The following ZFAND6 variants were observed in gnomAD, a reference collection of about 807,000 sequenced individuals.
ZFAND6 encodes the protein AN1-type zinc finger protein 6.
A neutral mutation model predicts 24.5 loss-of-function variants in ZFAND6; 12 were observed. The observed-to-expected ratio is 0.49, with a 90% CI of 0.31 to 0.79. ZFAND6 has a LOEUF of 0.79. Ranked by LOEUF, ZFAND6 falls within the 30% of genes least tolerant of loss-of-function variation. ZFAND6 has a pLI of 0.04. For missense variants in ZFAND6, 207 were observed against 245.9 expected, an observed-to-expected ratio of 0.84 and a Z score of 1.06; for synonymous variants, 92 against 81.5, an observed-to-expected ratio of 1.13 and a Z score of -0.69.
rs760140553 is a variant in ZFAND6 at position 80,126,404 on chromosome 15, A to C, written c.364+3604A>C. Among the ~76,000 whole-genome samples, 3 of 152,350 alleles carry C rather than the reference A, an allele frequency of 2.0e-5. No individual in the cohort carries two copies. The South Asian group carries it at 6.2e-4, about 32-fold the overall frequency. ...TTCAAAATTGAGTACAAGCTACAGT[A>C]ATCAAGACTGTGTTGTACCGGCATG... On this transcript the variant is annotated intron_variant, in intron 5 of 6. Transcript: ENST00000261749.
chr15:80,084,232 G>C (rs1013212927), intron 1 of ZFAND6, among the ~76,000 whole-genome samples: 46 of 152,172 alleles, frequency 3.0e-4, no homozygotes, highest in African/African-American at 1.1e-3. Flanking sequence ...TTTACGAAGT[G>C]TAGGTCGATC....
At chr15:80,124,979 C>T (rs772038591) in intron 5 of ZFAND6, among the ~76,000 whole-genome samples, 8 of 152,044 alleles carry the variant, frequency 5.3e-5, no homozygotes, top group African/African-American at 7.2e-5. Context: ...TATATATGTA[C>T]GTGTATATTC....
At chr15:80,119,541 T>G (rs1338207890) in intron 2 of ZFAND6, among the ~76,000 whole-genome samples, 1 of 152,036 alleles carries the variant, frequency 6.6e-6, no homozygotes, top group Non-Finnish European at 1.5e-5. Context: ...CTAAAATATT[T>G]TTAATGACTG....
At chr15:80,065,262 TAA>T (rs929575090) in intron 1 of ZFAND6, among the ~76,000 whole-genome samples, 1 of 142,304 alleles carries the variant, frequency 7.0e-6, no homozygotes, top group Non-Finnish European at 1.5e-5. Context: ...TTGGCCCCAC[TAA>T]AAAAAAAAAC....
In ZFAND6 at chr15:80,121,793, A is replaced by G; in HGVS notation, c.236A>G (p.Asp79Gly). The G allele has an allele frequency of 3.7e-6, 6 of 1,613,738 alleles. No individual in the cohort carries two copies. Among genetic ancestry groups the G allele is most frequent in the Non-Finnish European group, 5.1e-6 (6 of 1,179,788 alleles). ...GTGCCAGAAGCCCAGTCAGCATTAG[A>G]CTCTACATCTTCATCTATGCAGCCC... ...GSVPEAQSAL[D>G]STSSSMQPSP... is the part of the protein sequence containing the mutation. Residue 79 changes from aspartate (D) to glycine (G), a missense_variant, in exon 4 of 7, where the codon GAC becomes GGC. Around this residue, in one of 3 missense-constraint regions of ZFAND6, gnomAD observed 133 missense variants for 122.8 expected, o/e 1.08. Coordinates refer to ENST00000261749, the MANE Select transcript of ZFAND6 (RefSeq NM_019006.4).
At position 80,102,393 on chromosome 15, in the gene ZFAND6, G is replaced by C. The variant is rs531342695; in HGVS notation, c.-18+3815G>C. Among the ~76,000 whole-genome samples the C allele has an allele frequency of 5.3e-5, 8 of 152,284 alleles. No individual in the cohort carries two copies. The East Asian group carries it at 1.5e-3, about 29-fold the overall frequency. On this transcript the variant is annotated intron_variant, in intron 2 of 6. Transcript: ENST00000261749. ...GCCTCCCAAAGTGCTAGGATTACAG[G>C]TGTGAGCCCCCGCGCCCAGCCTTGC...
intron 1 of ZFAND6, among the ~76,000 whole-genome samples, chr15:80,076,263 A>G (rs1364272248): frequency 6.6e-6 from 1 of 152,152 alleles, no homozygotes; most frequent in Non-Finnish European, 1.5e-5. Flanking sequence ...CAAAAGTCAC[A>G]GCAAATGGGT....
intron 4 of ZFAND6, 52 bp from the exon 5 acceptor site, chr15:80,122,648 A>C: frequency 8.8e-7 from 1 of 1,139,320 alleles, no homozygotes; most frequent in Non-Finnish European, 1.3e-6. Flanking sequence ...CACATTAGTT[A>C]ATATTCATGT....
chr15:80,128,950 T>G (rs1371545767), intron 5 of ZFAND6, among the ~76,000 whole-genome samples: 1 of 152,244 alleles, frequency 6.6e-6, no homozygotes, highest in Non-Finnish European at 1.5e-5. Flanking sequence ...CCAGTTTTGT[T>G]AAAAACTATA....
At position 80,119,427 on chromosome 15, in the gene ZFAND6, G is replaced by T. The variant is rs1479642365; in HGVS notation, c.-17-901G>T. ...TATGCTCATTACTGTCCTTTTTGAT[G>T]ATTAATGGGTGCTCCTTTTTTCCTA... On this transcript the variant is annotated intron_variant, in intron 2 of 6. Transcript: ENST00000261749. 2.0e-5 allele frequency among the ~76,000 whole-genome samples: 3 copies of T among 152,130 alleles called. No individual in the cohort carries two copies. In the East Asian group the frequency reaches 5.8e-4, roughly 29 times the overall value.
At chr15:80,117,436 A>G (rs1244131599) in intron 2 of ZFAND6, among the ~76,000 whole-genome samples, 1 of 152,100 alleles carries the variant, frequency 6.6e-6, no homozygotes, top group Admixed American at 6.5e-5. Flanking sequence ...CTTAGCCAGG[A>G]TGGCCTCTAT....
At chr15:80,128,144 A>G (rs2040449926) in intron 5 of ZFAND6, among the ~76,000 whole-genome samples, 1 of 152,210 alleles carries the variant, frequency 6.6e-6, no homozygotes, top group Non-Finnish European at 1.5e-5. Context: ...AGTCATACAG[A>G]AAGATTAGTG....
intron 2 of ZFAND6, among the ~76,000 whole-genome samples, chr15:80,098,915 A>G (rs870185): frequency 0.58 from 87,491 of 151,818 alleles, 26,678 homozygotes; most frequent in Non-Finnish European, 0.68. Context: ...GATTTCAGCC[A>G]TTTAAAGTTA....
intron 1 of ZFAND6, among the ~76,000 whole-genome samples, chr15:80,091,160 G>GTGT (rs1555430411): frequency 1.2e-4 from 18 of 150,166 alleles, no homozygotes; most frequent in African/African-American, 4.4e-4. Flanking sequence ...GTTGTTAAGG[G>GTGT]GTGTGTGTGT....
chr15:80,106,455 ACT>A (rs2039330562), intron 2 of ZFAND6, among the ~76,000 whole-genome samples: 1 of 151,990 alleles, frequency 6.6e-6, no homozygotes, highest in Non-Finnish European at 1.5e-5. Flanking sequence ...GTTATGACAG[ACT>A]CTATGGCCCA....
intron 1 of ZFAND6, among the ~76,000 whole-genome samples, chr15:80,094,739 T>C (rs1329235253): frequency 6.6e-6 from 1 of 152,208 alleles, no homozygotes; most frequent in Non-Finnish European, 1.5e-5. Flanking sequence ...TGCAGTTATC[T>C]AATACACAGT....
rs2039965548 is a variant in ZFAND6, at chr15:80,118,032, G to GTGTATA, written c.-17-2290_-17-2285dup. Reference sequence around the variant, plus strand: ...GGTATTGAATTGTGTGTGTGTGTGTGTGTATATGTATGTATATACATATAT... The same window carrying GTGTATA: ...GGTATTGAATTGTGTGTGTGTGTGTGTGTATATGTATATGTATGTATATACATATAT... On this transcript the variant is annotated intron_variant, in intron 2 of 6. Coordinates refer to ENST00000261749, the MANE Select transcript of ZFAND6 (RefSeq NM_019006.4). Among the ~76,000 whole-genome samples the GTGTATA allele has an allele frequency of 2.6e-5, 4 of 151,914 alleles. No homozygotes were observed. The South Asian group carries it at 8.3e-4, about 32-fold the overall frequency.
At position 80,138,339 on chromosome 15, in the gene ZFAND6, G is replaced by A. The variant is rs2040950153; in HGVS notation, c.*711G>A. 1 of 152,698 alleles carries A rather than the reference G, an allele frequency of 6.5e-6. No individual in the cohort carries two copies. Among genetic ancestry groups the A allele is most frequent in the Middle Eastern group, 3.4e-3 (1 of 294 alleles). 9.5% of individuals were successfully genotyped at this position (152,698 alleles called of 1,614,324 possible). ...TCTGAAGTAATTGTGCTGTATTTAT[G>A]TTTATTCACCAGTCTTTGATTAAAT... On this transcript the variant is annotated 3_prime_UTR_variant, in exon 7 of 7. Transcript: ENST00000261749.
intron 2 of ZFAND6, chr15:80,112,664 G>A (rs1254161645): frequency 2.5e-6 from 1 of 403,380 alleles, no homozygotes; most frequent in Non-Finnish European, 4.9e-6. Context: ...CCAAAGTGCT[G>A]GGATTACAGG....
Sources: gnomAD v4.1 joint callset for allele counts (sites outside exome capture counted in the v4.1 genomes callset) on GRCh38, gnomAD v4.1.1 for gene constraint, gnomAD v4.1.1 regional missense constraint, MANE v1.5 for transcripts, NCBI Gene and HGNC (gene_info 2026-07-23, HGNC 2026-07-21) for gene names.